ANKFN1: variants seen among roughly 807,000 people sequenced by gnomAD.
The protein encoded by ANKFN1 is ankyrin repeat and fibronectin type-III domain-containing protein 1.
In ANKFN1, 74 loss-of-function variants were observed where a neutral mutation model predicts 108.7. The ratio of observed to expected loss-of-function variants is 0.68; its 90% CI spans 0.56 to 0.83. ANKFN1 has a LOEUF of 0.83. Among genes scored for constraint, ANKFN1 ranks in the 40% least tolerant of loss-of-function variants. The probability of loss-of-function intolerance (pLI) is 0.00; values close to 1 mark genes in which losing one functional copy is unlikely to be tolerated. For missense variants in ANKFN1, 1,505 were observed against 1,382.3 expected, an observed-to-expected ratio of 1.09 and a Z score of -1.41; for synonymous variants, 547 against 516.2, an observed-to-expected ratio of 1.06 and a Z score of -0.81.
rs142075063 is a variant in ANKFN1 at position 56,463,749 on chromosome 17, A to G, written c.1558-2607A>G. ...GTTAGTGAGTAAGAGCTAAGTAACA[A>G]TATATGAATACCGTGTTCTTTACAT... On this transcript the variant is annotated intron_variant, in intron 14 of 20. Transcript: ENST00000682825. The G allele has an allele frequency of 1.3e-4, 20 of 152,360 alleles. No homozygotes were observed. In the East Asian group the frequency reaches 3.5e-3, roughly 26 times the overall value. The allele number at this position is 152,360 out of a possible 1,614,324, so 9.4% of individuals were successfully genotyped here. A position where few individuals can be genotyped will look rare whatever the true frequency, so the allele number is the denominator to read the frequency against.
In ANKFN1 at chr17:56,511,044, TC is replaced by T; in HGVS notation, c.3218del (p.Pro1073LeufsTer38). On this transcript the variant is annotated frameshift_variant, in exon 21 of 21. Coordinates refer to ENST00000682825, the MANE Select transcript of ANKFN1 (RefSeq NM_001370326.1). LOFTEE classifies it low-confidence loss of function (END_TRUNC). Reference sequence around the variant, plus strand: ...TAACTCTGGCCCACGCTGCCAGCCTTCCTGAGGAGCGGAACAGCAGTCTCCA... The same window carrying T: ...TAACTCTGGCCCACGCTGCCAGCCTTCTGAGGAGCGGAACAGCAGTCTCCA... ...GLTLAHAASLPEERNSSLQDA... is the reference protein window; with the variant it reads ...GLTLAHAASLXEERNSSLQDA... 2 of 1,535,982 alleles carry T rather than the reference TC, an allele frequency of 1.3e-6. No homozygotes were observed. Among genetic ancestry groups the T allele is most frequent in the Non-Finnish European group, 1.7e-6 (2 of 1,146,860 alleles).
chr17:56,485,436 C>T (rs972508986), intron 18 of ANKFN1, among the ~76,000 whole-genome samples: 21 of 152,072 alleles, frequency 1.4e-4, no homozygotes, highest in African/African-American at 4.6e-4. Flanking sequence ...GCTAAGAGAT[C>T]AGCATATCTG....
Position 56,204,299 on chromosome 17 carries a change from G to A in ANKFN1, c.-70-8299G>A, listed in dbSNP as rs970750605. The stretch of plus-strand genomic sequence containing the variant: ...TGATCTCAGGTGATCTGCCCGCCTC[G>A]GCCTCCCAAGTGCTGGGATTACAGG... On this transcript the variant is annotated intron_variant, in intron 1 of 20. Transcript: ENST00000682825. 5.9e-5 allele frequency among the ~76,000 whole-genome samples: 9 copies of A among 152,078 alleles called. No individual in the cohort carries two copies. The East Asian group carries it at 1.7e-3, about 29-fold the overall frequency.
chr17:56,407,188 T>C (rs1453360262), intron 8 of ANKFN1, among the ~76,000 whole-genome samples: 1 of 152,216 alleles, frequency 6.6e-6, no homozygotes, highest in Non-Finnish European at 1.5e-5. Flanking sequence ...ACAAAATCTG[T>C]ATCTGATTAA....
rs182219188 is a variant in ANKFN1 at position 56,340,784 on chromosome 17, G to A, written c.189-9982G>A. On this transcript the variant is annotated intron_variant, in intron 4 of 20. Coordinates refer to ENST00000682825, the MANE Select transcript of ANKFN1 (RefSeq NM_001370326.1). Reference sequence around the variant, plus strand: ...TTGCTTAGGATTGTCTTGACTATTCGGGCTCTTTTTTTGGTTTTATATGAA... The same window carrying A: ...TTGCTTAGGATTGTCTTGACTATTCAGGCTCTTTTTTTGGTTTTATATGAA... Among the ~76,000 whole-genome samples, 298 of 151,990 alleles carry A rather than the reference G, an allele frequency of 2.0e-3. 2 individuals carry two copies. The highest frequency in any genetic ancestry group is 5.6e-3 in the Admixed American group (85 of 15,234).
intron 1 of ANKFN1, among the ~76,000 whole-genome samples, chr17:56,165,384 C>A (rs1286270570): frequency 1.3e-5 from 2 of 152,160 alleles, no homozygotes; most frequent in Non-Finnish European, 2.9e-5. Context: ...AGGCCACTCA[C>A]TATTCTAAGC....
chr17:56,157,094 G>GC (rs1201464129), intron 1 of ANKFN1, among the ~76,000 whole-genome samples: 2 of 152,304 alleles, frequency 1.3e-5, no homozygotes, highest in East Asian at 1.9e-4. Flanking sequence ...TTTGAGGAGA[G>GC]CACTGTACTG....
At chr17:56,091,571 A>G (rs1905421298) in intron 4 of ANKFN1, among the ~76,000 whole-genome samples, 1 of 151,260 alleles carries the variant, frequency 6.6e-6, no homozygotes, top group Admixed American at 6.6e-5. Context: ...TTTGTTGAAA[A>G]ACTATTTCCA....
At chr17:56,372,487 C>T (rs1001231180) in intron 6 of ANKFN1, among the ~76,000 whole-genome samples, 159 bp from the exon 7 acceptor site, 1 of 151,332 alleles carries the variant, frequency 6.6e-6, no homozygotes, top group African/African-American at 2.4e-5. Context: ...CTAATTAGAC[C>T]TTATCATAGT....
chr17:56,384,453 C>A (rs1203748889), intron 8 of ANKFN1, among the ~76,000 whole-genome samples: 2 of 152,128 alleles, frequency 1.3e-5, no homozygotes, highest in Non-Finnish European at 2.9e-5. Flanking sequence ...TCCTATTCAA[C>A]ATAGTGTTGG....
chr17:56,121,917 A>T (rs1431459469), intron 4 of ANKFN1, among the ~76,000 whole-genome samples: 2 of 152,194 alleles, frequency 1.3e-5, no homozygotes, highest in African/African-American at 2.4e-5. Flanking sequence ...GACATTCCTC[A>T]GGAAGGTGCT....
At chr17:56,496,763 G>T (rs769391534) in intron 19 of ANKFN1, among the ~76,000 whole-genome samples, 1 of 151,860 alleles carries the variant, frequency 6.6e-6, no homozygotes, top group Admixed American at 6.6e-5. Context: ...TATTTACTTC[G>T]TATCATATCA....
At chr17:56,415,944 C>T (rs1254166967) in intron 8 of ANKFN1, among the ~76,000 whole-genome samples, 1 of 152,020 alleles carries the variant, frequency 6.6e-6, no homozygotes, top group African/African-American at 2.4e-5. Flanking sequence ...AACAAAAAAG[C>T]CAAGAACGTA....
rs1022390900 is a variant in ANKFN1 at position 56,440,404 on chromosome 17, A to C, written c.988A>C (p.Thr330Pro). ...IMDNLQTLRCTITGLTMGQQY... is the reference protein window; with the variant it reads ...IMDNLQTLRCPITGLTMGQQY... ...GGATAATCTGCAGACTCTGAGATGCACAATCACAGGACTTACAATGGTAAA... is the reference window on the plus strand; with the variant it reads ...GGATAATCTGCAGACTCTGAGATGCCCAATCACAGGACTTACAATGGTAAA... The change falls in exon 9 of 21, where the codon ACA becomes CCA. Residue 330 changes from threonine (T) to proline (P), a missense_variant. By Grantham distance (38) the Thr-to-Pro change is conservative (BLOSUM62 -1). Transcript: ENST00000682825. 6.2e-7 allele frequency: 1 copy of C among 1,611,832 alleles called. No individual in the cohort carries two copies. Among genetic ancestry groups the C allele is most frequent in the Non-Finnish European group, 8.5e-7 (1 of 1,178,414 alleles).
chr17:56,408,683 TA>T (rs2047995357), intron 8 of ANKFN1, among the ~76,000 whole-genome samples: 1 of 152,282 alleles, frequency 6.6e-6, no homozygotes, highest in Non-Finnish European at 1.5e-5. Flanking sequence ...TACACCAGGC[TA>T]AAAAAGAGAG....
chr17:56,361,552 T>C (rs1431039620), intron 6 of ANKFN1, among the ~76,000 whole-genome samples: 1 of 152,148 alleles, frequency 6.6e-6, no homozygotes, highest in Admixed American at 6.5e-5. Context: ...CATTTCTTCA[T>C]TTGTAAAATG....
At chr17:56,192,082 T>G (rs1222995035) in intron 1 of ANKFN1, among the ~76,000 whole-genome samples, 1 of 152,086 alleles carries the variant, frequency 6.6e-6, no homozygotes, top group Non-Finnish European at 1.5e-5. Context: ...AACAGAGCCC[T>G]CAGAAATAAC....
intron 3 of ANKFN1, among the ~76,000 whole-genome samples, chr17:56,250,377 C>G (rs2043207326): frequency 6.6e-6 from 1 of 152,222 alleles, no homozygotes; most frequent in Admixed American, 6.5e-5. Context: ...AAAAGAAGGG[C>G]AGAGTCATGT....
At chr17:56,258,397 T>A (rs2043412373) in intron 3 of ANKFN1, 1 of 152,172 alleles carries the variant, frequency 6.6e-6, no homozygotes, top group Non-Finnish European at 1.5e-5. Context: ...CTAAATTATG[T>A]CAATTTTGCT....
Sources: allele counts gnomAD v4.1 joint callset (sites outside exome capture counted in the v4.1 genomes callset), GRCh38; gene constraint gnomAD v4.1.1; transcripts MANE v1.5; gene names NCBI Gene and HGNC (gene_info 2026-07-23, HGNC 2026-07-21).